Variants in ACVRL1 observed in about 807,000 individuals in gnomAD.
ACVRL1 encodes the protein activin receptor type-1-like.
ACVRL1 carries 20 observed loss-of-function variants against 51.9 expected under a neutral mutation model. The ratio of observed to expected loss-of-function variants is 0.39; its 90% CI spans 0.27 to 0.56. The LOEUF (loss-of-function observed/expected upper bound fraction) is 0.56, where lower values mean the gene tolerates loss of function less well. Ranked by LOEUF, ACVRL1 falls within the 20% of genes least tolerant of loss-of-function variation. The pLI, the probability that ACVRL1 is intolerant of heterozygous loss-of-function variation, is 0.67. For missense variants in ACVRL1, 451 were observed against 670.3 expected (o/e 0.67, Z 3.61); for synonymous variants, 288 against 280.9 (o/e 1.03, Z -0.25).
chr12:51,910,560 G>A (rs1940669491), intron 1 of ACVRL1, among the ~76,000 whole-genome samples: 2 of 152,182 alleles, frequency 1.3e-5, no homozygotes, highest in Non-Finnish European at 1.5e-5. Context: ...GTAGAGGTAC[G>A]GACAGAGGAT....
Position 51,913,212 on chromosome 12 carries a change from G to T in ACVRL1, c.175G>T (p.Glu59Ter). 1 of 1,590,738 alleles carries T rather than the reference G, an allele frequency of 6.3e-7. No individual in the cohort carries two copies. Among genetic ancestry groups the T allele is most frequent in the Non-Finnish European group, 8.6e-7 (1 of 1,169,398 alleles). The change falls in exon 3 of 10, where the codon GAG becomes TAG. Residue 59 changes from glutamate to a stop codon, truncating the protein, a stop_gained. Transcript: ENST00000388922. LOFTEE classifies it high-confidence loss of function. The part of the protein sequence containing the change: ...AWCTVVLVRE[E>*]GRHPQEHRGC... ...GTGCACAGTAGTGCTGGTGCGGGAG[G>T]AGGGGAGGCACCCCCAGGAACATCG...
chr12:51,914,621 T>G (rs1940786765), intron 6 of ACVRL1, 36 bp downstream of exon 6: 2 of 1,590,334 alleles, frequency 1.3e-6, no homozygotes, highest in African/African-American at 2.7e-5. Flanking sequence ...GGCCTGGGGC[T>G]TTGCCCCCCT....
chr12:51,919,953 A>G (rs1940931350), intron 9 of ACVRL1, among the ~76,000 whole-genome samples: 2 of 152,218 alleles, frequency 1.3e-5, no homozygotes, highest in South Asian at 4.1e-4. Context: ...TCTGGCTCAC[A>G]ATAGGTGCTA....
intron 8 of ACVRL1, 34 bp downstream of exon 8, chr12:51,916,267 G>C (rs1431625162): frequency 6.2e-7 from 1 of 1,606,812 alleles, no homozygotes; most frequent in East Asian, 2.2e-5. Context: ...TAGGGAAAGG[G>C]GAATCAGCCT....
intron 3 of ACVRL1, 100 bp downstream of exon 3, chr12:51,913,450 C>CG (rs1940745380): frequency 1.8e-6 from 1 of 544,184 alleles, no homozygotes. Context: ...GGGCTGGGGG[C>CG]GGGGGAGCGG....
At chr12:51,909,201 C>T (rs1164991413) in intron 1 of ACVRL1, among the ~76,000 whole-genome samples, 9 of 152,154 alleles carry the variant, frequency 5.9e-5, no homozygotes, top group Non-Finnish European at 1.3e-4. Context: ...TTGATAAGCA[C>T]CTTTCGGGCA....
intron 9 of ACVRL1, 152 bp downstream of exon 9, chr12:51,919,267 C>G: frequency 8.3e-7 from 1 of 1,206,570 alleles, no homozygotes; most frequent in Non-Finnish European, 1.2e-6. Flanking sequence ...CTCTTTCAAC[C>G]CTGGCCCATG....
chr12:51,909,094 G>A (rs567784080), intron 1 of ACVRL1, among the ~76,000 whole-genome samples: 1 of 152,286 alleles, frequency 6.6e-6, no homozygotes, highest in South Asian at 2.1e-4. Context: ...TTGATATGGC[G>A]CTTCTCCAGC....
rs1463183344 is a variant in ACVRL1 at position 51,921,965 on chromosome 12, C to T, written c.*1072C>T. On this transcript the variant is annotated 3_prime_UTR_variant, in exon 10 of 10. Transcript: ENST00000388922. ...CATGCTGGTCTCGAACTCCTGACCT[C>T]AGGTGTTCCACCTACCTCAGCCTCC... 2.0e-5 allele frequency: 3 copies of T among 152,250 alleles called. No homozygotes were observed. The highest frequency in any genetic ancestry group is 7.2e-5 in the African/African-American group (3 of 41,448). 9.4% of individuals were successfully genotyped at this position (152,250 alleles called of 1,614,324 possible). A position where few individuals can be genotyped will look rare whatever the true frequency, so the allele number is the denominator to read the frequency against.
intron 5 of ACVRL1, 117 bp downstream of exon 5, chr12:51,914,190 A>G (rs2139069449): frequency 2.6e-5 from 24 of 934,538 alleles, no homozygotes; most frequent in Non-Finnish European, 3.5e-5. Flanking sequence ...CAGAATTGGA[A>G]TTCTGCTGGG....
At position 51,915,336 on chromosome 12, in the gene ACVRL1, A is replaced by C; in HGVS notation, c.884A>C (p.Glu295Ala). Residue 295 changes from glutamate (E) to alanine (A), a missense_variant, in exon 7 of 10, where the codon GAG becomes GCG. Transcript: ENST00000388922. ...LYDFLQRQTL[E>A]PHLALRLAVS... Reference sequence around the variant, plus strand: ...GACTTTCTGCAGAGACAGACGCTGGAGCCCCATCTGGCTCTGAGGCTAGCT... The same window carrying C: ...GACTTTCTGCAGAGACAGACGCTGGCGCCCCATCTGGCTCTGAGGCTAGCT... 1 of 1,614,126 alleles carries C rather than the reference A, an allele frequency of 6.2e-7. No individual in the cohort carries two copies. Among genetic ancestry groups the C allele is most frequent in the Non-Finnish European group, 8.5e-7 (1 of 1,180,032 alleles).
Position 51,920,993 on chromosome 12 carries a change from T to G in ACVRL1, c.*100T>G. On this transcript the variant is annotated 3_prime_UTR_variant, in exon 10 of 10. Coordinates refer to ENST00000388922, the MANE Select transcript of ACVRL1 (RefSeq NM_000020.3). ...GTAGAGGTAGTGTGAGTGTGGTGTG[T>G]GCTGGGGATGGGCAGCTGCGCCTGC... 7.2e-7 allele frequency: 1 copy of G among 1,392,914 alleles called. No homozygotes were observed. Among genetic ancestry groups the G allele is most frequent in the African/African-American group, 1.4e-5 (1 of 70,178 alleles). 86.3% of individuals were successfully genotyped at this position (1,392,914 alleles called of 1,614,324 possible).
rs1295923763 is a variant in ACVRL1, at chr12:51,920,813, G to T, written c.1432G>T (p.Ala478Ser). 9 of 1,613,418 alleles carry T rather than the reference G, an allele frequency of 5.6e-6. No homozygotes were observed. Among genetic ancestry groups the T allele is most frequent in the African/African-American group, 1.3e-5 (1 of 74,792 alleles). ...GGAGTGCTGGTACCCAAACCCCTCT[G>T]CCCGACTCACCGCGCTGCGGATCAA... ...MRECWYPNPS[A>S]RLTALRIKKT... The change falls in exon 10 of 10, where the codon GCC (alanine) becomes TCC (serine). Residue 478 changes from alanine to serine, a missense_variant. Transcript: ENST00000388922.
rs952153241 is a variant in ACVRL1, at chr12:51,914,163, C to A, written c.625+90C>A. The A allele has an allele frequency of 4.2e-6, 6 of 1,417,256 alleles. No homozygotes were observed. In the East Asian group the frequency reaches 1.2e-4, roughly 29 times the overall value. 87.8% of individuals were successfully genotyped at this position (1,417,256 alleles called of 1,614,324 possible). On this transcript the variant is annotated intron_variant, in intron 5 of 9. Coordinates refer to ENST00000388922, the MANE Select transcript of ACVRL1 (RefSeq NM_000020.3). Reference sequence around the variant, plus strand: ...AGTTTTTGGCTACTGGAATCACAGGCGGTGCCAGGCCTGGGTCAGAATTGG... The same window carrying A: ...AGTTTTTGGCTACTGGAATCACAGGAGGTGCCAGGCCTGGGTCAGAATTGG...
At chr12:51,914,168 C>T (rs1191363721) in intron 5 of ACVRL1, 95 bp downstream of exon 5, 2 of 1,386,030 alleles carry the variant, frequency 1.4e-6, no homozygotes, top group Non-Finnish European at 2.0e-6. Flanking sequence ...ACAGGCGGTG[C>T]CAGGCCTGGG....
Position 51,913,241 on chromosome 12 carries a change from C to A in ACVRL1, c.204C>A (p.Gly68=), listed in dbSNP as rs1940735620. The change falls in exon 3 of 10, where the codon GGC becomes GGA. Residue 68 remains glycine, a synonymous_variant. Coordinates refer to ENST00000388922, the MANE Select transcript of ACVRL1 (RefSeq NM_000020.3). ...GGAGGCACCCCCAGGAACATCGGGGCTGCGGGAACTTGCACAGGGAGCTCT... is the reference window on the plus strand; with the variant it reads ...GGAGGCACCCCCAGGAACATCGGGGATGCGGGAACTTGCACAGGGAGCTCT... ...EEGRHPQEHR[G]CGNLHRELCR... 1 of 1,590,978 alleles carries A rather than the reference C, an allele frequency of 6.3e-7. No homozygotes were observed. The highest frequency in any genetic ancestry group is 8.6e-7 in the Non-Finnish European group (1 of 1,168,746).
chr12:51,918,190 G>C (rs2139081945), intron 8 of ACVRL1, among the ~76,000 whole-genome samples: 1 of 152,372 alleles, frequency 6.6e-6, no homozygotes, highest in South Asian at 2.1e-4. Flanking sequence ...GAGGGGGTCA[G>C]TGCTGGCTGC....
chr12:51,909,893 AC>A (rs1308060031), intron 1 of ACVRL1, among the ~76,000 whole-genome samples: 1 of 152,228 alleles, frequency 6.6e-6, no homozygotes, highest in Non-Finnish European at 1.5e-5. Flanking sequence ...AATTAGTTTA[AC>A]GTCTGTAATT....
chr12:51,914,131 G>T (rs1940768975), intron 5 of ACVRL1, 58 bp downstream of exon 5: 1 of 1,566,900 alleles, frequency 6.4e-7, no homozygotes, highest in African/African-American at 1.4e-5. Context: ...GCCTGGAGGG[G>T]TGAGGGAGTT....
Sources: allele counts gnomAD v4.1 joint callset (sites outside exome capture counted in the v4.1 genomes callset), GRCh38; gene constraint gnomAD v4.1.1; transcripts MANE v1.5; gene names NCBI Gene and HGNC (gene_info 2026-07-23, HGNC 2026-07-21).